Variants in MAPK14 observed in about 807,000 individuals in gnomAD.
The protein encoded by MAPK14 is CSAID-binding protein.
Under a neutral mutation model 49.6 loss-of-function variants are expected in MAPK14, and 16 were observed. That is an observed-to-expected ratio of 0.32 (90% CI 0.22 to 0.49). The LOEUF is 0.49. Among genes scored for constraint, MAPK14 ranks in the 20% least tolerant of loss-of-function variants. The probability of loss-of-function intolerance (pLI) is 0.99; values close to 1 mark genes in which losing one functional copy is unlikely to be tolerated. For synonymous variants in MAPK14, 142 were observed against 158.0 expected (o/e 0.90, Z 0.76); for missense variants, 200 against 441.2 (o/e 0.45, Z 4.90).
At chr6:36,076,698 C>G in intron 8 of MAPK14, 90 bp downstream of exon 8, 3 of 973,376 alleles carry the variant, frequency 3.1e-6, no homozygotes, top group Non-Finnish European at 4.7e-6. Flanking sequence ...CTAGGGAAGA[C>G]TCTCAGTATT....
chr6:36,119,960 A>T, the MAPK14 span, among the ~76,000 whole-genome samples: 1 of 152,160 alleles, frequency 6.6e-6, no homozygotes, highest in African/African-American at 2.4e-5. Context: ...AATAATAAAC[A>T]CCAACTTGTA....
chr6:36,120,130 T>C, the MAPK14 span, among the ~76,000 whole-genome samples: 44 of 152,248 alleles, frequency 2.9e-4, no homozygotes, highest in African/African-American at 1.0e-3. Flanking sequence ...GCCTCAGTTA[T>C]CACAACTGTA....
In MAPK14 at chr6:36,096,036, T is replaced by C. The variant is rs201065328; in HGVS notation, c.732T>C (p.Ala244=). ...LILRLVGTPG[A]ELLKKISSES... ...TAAGACTCGTTGGAACCCCAGGGGC[T>C]GAGCTTTTGAAGAAAATCTCCTCAG... is the stretch of plus-strand genomic sequence containing the variant. The change falls in exon 9 of 12, where the codon GCT becomes GCC. Residue 244 remains alanine (A), a synonymous_variant. Transcript: ENST00000229794. The C allele has an allele frequency of 1.2e-5, 19 of 1,613,584 alleles. No homozygotes were observed. The highest frequency in any genetic ancestry group is 1.5e-5 in the Non-Finnish European group (18 of 1,179,578).
chr6:36,097,130 G>A (rs1328059197), intron 9 of MAPK14: 1 of 152,188 alleles, frequency 6.6e-6, no homozygotes, highest in African/African-American at 2.4e-5. Flanking sequence ...CCGTCATCTG[G>A]TATGTATCCG....
chr6:36,072,897 G>A lies in MAPK14; in HGVS notation c.330G>A (p.Gly110=). The A allele has an allele frequency of 6.2e-7, 1 of 1,610,974 alleles. No homozygotes were observed. The highest frequency in any genetic ancestry group is 8.5e-7 in the Non-Finnish European group (1 of 1,177,820). The change falls in exon 4 of 12, where the codon GGG becomes GGA. Residue 110 remains glycine (G), a synonymous_variant. Coordinates refer to ENST00000229794, the MANE Select transcript of MAPK14 (RefSeq NM_139012.3). ...GGTATCTGGTGACCCATCTCATGGG[G>A]GCAGATCTGAACAACATTGTGAAAT... The part of the protein sequence containing the change: ...NDVYLVTHLM[G]ADLNNIVKCQ...
At chr6:36,061,631 A>G (rs1763825959) in intron 3 of MAPK14, among the ~76,000 whole-genome samples, 1 of 152,268 alleles carries the variant, frequency 6.6e-6, no homozygotes, top group South Asian at 2.1e-4. Context: ...CTGAATGCAG[A>G]ACACTGAGCA....
intron 1 of MAPK14, among the ~76,000 whole-genome samples, chr6:36,038,807 T>G (rs1456129333): frequency 6.6e-6 from 1 of 152,222 alleles, no homozygotes; most frequent in Non-Finnish European, 1.5e-5. Flanking sequence ...GAGCAGAGAT[T>G]AGCTCTTGAG....
intron 8 of MAPK14, among the ~76,000 whole-genome samples, chr6:36,090,018 A>G (rs1349432796): frequency 6.6e-6 from 1 of 152,210 alleles, no homozygotes; most frequent in Non-Finnish European, 1.5e-5. Context: ...TTTAATTTTA[A>G]CAGAAATGGT....
At chr6:36,044,514 A>G (rs541681245) in intron 1 of MAPK14, among the ~76,000 whole-genome samples, 1 of 152,296 alleles carries the variant, frequency 6.6e-6, no homozygotes, top group African/African-American at 2.4e-5. Flanking sequence ...TATAACAGAA[A>G]ATCTACAAGT....
At chr6:36,038,383 A>G (rs1440464501) in intron 1 of MAPK14, among the ~76,000 whole-genome samples, 3 of 152,082 alleles carry the variant, frequency 2.0e-5, no homozygotes, top group African/African-American at 7.2e-5. Flanking sequence ...ATAGGGAGAA[A>G]AGTGGGGTGA....
chr6:36,055,443 G>T (rs1331156473), intron 2 of MAPK14, among the ~76,000 whole-genome samples: 2 of 151,918 alleles, frequency 1.3e-5, no homozygotes, highest in South Asian at 4.1e-4. Context: ...ATAAAAATAC[G>T]ACTTAATATT....
At chr6:36,087,238 C>T (rs1015156934) in intron 8 of MAPK14, among the ~76,000 whole-genome samples, 5 of 152,152 alleles carry the variant, frequency 3.3e-5, no homozygotes, top group Middle Eastern at 3.2e-3. Flanking sequence ...CACAAGGATG[C>T]CCTCTTTCCC....
At chr6:36,122,370 C>T in the MAPK14 span, among the ~76,000 whole-genome samples, 2 of 152,218 alleles carry the variant, frequency 1.3e-5, no homozygotes, top group Admixed American at 1.3e-4. Context: ...CAGGTCAGCA[C>T]AGCAGAGACT....
At chr6:36,119,094 T>G in the MAPK14 span, among the ~76,000 whole-genome samples, 1 of 152,372 alleles carries the variant, frequency 6.6e-6, no homozygotes, top group African/African-American at 2.4e-5. Context: ...GTTGACAGAT[T>G]GGCATAACTC....
intron 7 of MAPK14, 112 bp downstream of exon 7, chr6:36,076,074 G>T: frequency 8.8e-7 from 1 of 1,134,202 alleles, no homozygotes. Flanking sequence ...TCTTCCCTCA[G>T]TGATCCTTTT....
chr6:36,040,185 T>C (rs1762911315), intron 1 of MAPK14, among the ~76,000 whole-genome samples: 2 of 152,112 alleles, frequency 1.3e-5, no homozygotes, highest in Non-Finnish European at 2.9e-5. Flanking sequence ...GGATAATGTT[T>C]TGTTGTGGGG....
chr6:36,036,889 C>T (rs1020378482), intron 1 of MAPK14, among the ~76,000 whole-genome samples: 1 of 152,110 alleles, frequency 6.6e-6, no homozygotes, highest in Non-Finnish European at 1.5e-5. Context: ...TACAGGTGTG[C>T]ACCACCATGC....
chr6:36,107,427 T>G lies in MAPK14; in HGVS notation c.842-28T>G, dbSNP rs1562156824. 1 of 1,470,282 alleles carries G rather than the reference T, an allele frequency of 6.8e-7. No individual in the cohort carries two copies. 91.1% of individuals were successfully genotyped at this position (1,470,282 alleles called of 1,614,324 possible). A position where few individuals can be genotyped will look rare whatever the true frequency, so the allele number is the denominator to read the frequency against. On this transcript the variant is annotated intron_variant, in intron 10 of 11. Coordinates refer to ENST00000229794, the MANE Select transcript of MAPK14 (RefSeq NM_139012.3). The surrounding 1 kb of genome is among the most constrained non-coding windows in gnomAD (Gnocchi z 4.3). ...CTTTTTTGTAACATGTTAAAAACTC[T>G]TTTCCTTCCTGTCTATGGTACTGAT...
At chr6:36,120,459 C>A in the MAPK14 span, among the ~76,000 whole-genome samples, 4 of 151,624 alleles carry the variant, frequency 2.6e-5, no homozygotes, top group Non-Finnish European at 5.9e-5. Context: ...CCGGAACATA[C>A]TCTCCAAATC....
Sources: allele counts gnomAD v4.1 joint callset (sites outside exome capture counted in the v4.1 genomes callset), GRCh38; gene constraint gnomAD v4.1.1; non-coding constraint Gnocchi (gnomAD v3.1); transcripts MANE v1.5; gene names NCBI Gene and HGNC (gene_info 2026-07-23, HGNC 2026-07-21).